Variants in CCDC68 observed in about 807,000 individuals in gnomAD.
CCDC68 encodes coiled-coil domain containing 68.
In CCDC68, 45 loss-of-function variants were observed where a neutral mutation model predicts 47.1. The ratio of observed to expected loss-of-function variants is 0.96; its 90% CI spans 0.75 to 1.23. The LOEUF (loss-of-function observed/expected upper bound fraction) is 1.23. Ranked by LOEUF, CCDC68 falls within the 50% of genes most tolerant of loss-of-function variation. CCDC68 has a pLI of 0.00. For missense variants in CCDC68, 353 were observed against 373.6 expected, an observed-to-expected ratio of 0.94 and a Z score of 0.45; for synonymous variants, 131 against 129.5, an observed-to-expected ratio of 1.01 and a Z score of -0.08.
chr18:54,935,654 T>A (rs1188779014), intron 6 of CCDC68, among the ~76,000 whole-genome samples: 2 of 152,080 alleles, frequency 1.3e-5, no homozygotes, highest in Non-Finnish European at 2.9e-5. Flanking sequence ...AGCACCCTCA[T>A]CCGCTTCCCG....
chr18:54,927,510 G>A (rs13380920), intron 8 of CCDC68, among the ~76,000 whole-genome samples: 3,266 of 152,014 alleles, frequency 0.021, 122 homozygotes, highest in African/African-American at 0.073. Flanking sequence ...TGGAAGATGC[G>A]TACAAATCAG....
intron 10 of CCDC68, 60 bp from the exon 11 acceptor site, chr18:54,907,922 A>AATGCTTCT (rs1914112157): frequency 1.1e-6 from 1 of 946,590 alleles, no homozygotes; most frequent in South Asian, 1.3e-5. Flanking sequence ...CTACACCCTC[A>AATGCTTCT]ATGCTTCTAT....
At chr18:54,933,703 C>T (rs7227738) in intron 7 of CCDC68, among the ~76,000 whole-genome samples, 150,772 of 152,344 alleles carry the variant, frequency 0.99, 74,632 homozygotes, top group East Asian at 1. Flanking sequence ...CTTAAGGAGA[C>T]TCTAACCCAG....
chr18:54,931,912 AG>A (rs900158084), intron 7 of CCDC68, among the ~76,000 whole-genome samples: 35 of 152,240 alleles, frequency 2.3e-4, no homozygotes, highest in African/African-American at 7.5e-4. Flanking sequence ...ATTTTTCTCC[AG>A]GGGGCACCTA....
chr18:54,909,403 A>T (rs1427693361), intron 10 of CCDC68, among the ~76,000 whole-genome samples: 1 of 136,900 alleles, frequency 7.3e-6, no homozygotes, highest in Non-Finnish European at 1.5e-5. Context: ...TTTTTTTGAG[A>T]CAGGGTCTCA....
intron 11 of CCDC68, among the ~76,000 whole-genome samples, chr18:54,906,134 T>C (rs1944354): frequency 0.98 from 149,525 of 152,180 alleles, 73,532 homozygotes; most frequent in East Asian, 1. Flanking sequence ...ACCCCGAAAC[T>C]ATCCTCTCCA....
intron 8 of CCDC68, among the ~76,000 whole-genome samples, chr18:54,923,456 A>T (rs76182380): frequency 6.6e-6 from 1 of 151,844 alleles, no homozygotes; most frequent in African/African-American, 2.4e-5. Flanking sequence ...AAAAAAAAAA[A>T]TTGAAATTGG....
chr18:54,934,651 T>A (rs2044313687), intron 7 of CCDC68, among the ~76,000 whole-genome samples, 169 bp downstream of exon 7: 1 of 152,216 alleles, frequency 6.6e-6, no homozygotes, highest in Admixed American at 6.5e-5. Flanking sequence ...ATGAAATGTT[T>A]ATGGGAAAAA....
At chr18:54,939,621 C>T (rs940664918) in intron 4 of CCDC68, among the ~76,000 whole-genome samples, 2 of 152,070 alleles carry the variant, frequency 1.3e-5, no homozygotes, top group African/African-American at 4.8e-5. Context: ...CTGAGGCAGA[C>T]ACATGGCAAC....
intron 2 of CCDC68, among the ~76,000 whole-genome samples, chr18:54,945,014 T>A (rs960277642): frequency 1.3e-5 from 2 of 152,222 alleles, no homozygotes; most frequent in African/African-American, 4.8e-5. Context: ...AAAGAATTGT[T>A]GTAATTTTGC....
chr18:54,944,774 C>T (rs2044498595), intron 2 of CCDC68, among the ~76,000 whole-genome samples: 1 of 151,968 alleles, frequency 6.6e-6, no homozygotes, highest in Admixed American at 6.6e-5. Context: ...ATTTTGCAAC[C>T]CTTGATGAAG....
intron 1 of CCDC68, among the ~76,000 whole-genome samples, chr18:54,949,892 G>A (rs2044585410): frequency 6.6e-6 from 1 of 152,214 alleles, no homozygotes; most frequent in East Asian, 1.9e-4. Flanking sequence ...CTGACACAGA[G>A]TGGTGCTTCA....
At chr18:54,955,748 C>T (rs886306784) in intron 1 of CCDC68, among the ~76,000 whole-genome samples, 3 of 152,126 alleles carry the variant, frequency 2.0e-5, no homozygotes, top group Admixed American at 6.5e-5. Context: ...GGCAGAGTCT[C>T]GCTCTGTTGC....
At chr18:54,926,573 T>C (rs1301894788) in intron 8 of CCDC68, among the ~76,000 whole-genome samples, 1 of 152,198 alleles carries the variant, frequency 6.6e-6, no homozygotes, top group Non-Finnish European at 1.5e-5. Context: ...CCAAATATGT[T>C]TCCCCAAAAG....
chr18:54,919,656 A>T (rs948274307), intron 8 of CCDC68, among the ~76,000 whole-genome samples: 3 of 152,212 alleles, frequency 2.0e-5, no homozygotes, highest in Non-Finnish European at 2.9e-5. Context: ...ATCAAGTTAT[A>T]TTCAGTACGA....
chr18:54,955,156 G>GA (rs1210794439), intron 1 of CCDC68, among the ~76,000 whole-genome samples: 1 of 150,430 alleles, frequency 6.6e-6, no homozygotes, highest in Admixed American at 6.6e-5. Flanking sequence ...CCCCATCTAT[G>GA]AAAAAAAAAA....
intron 11 of CCDC68, among the ~76,000 whole-genome samples, chr18:54,905,024 C>T (rs1913907034): frequency 6.6e-6 from 1 of 152,048 alleles, no homozygotes; most frequent in African/African-American, 2.4e-5. Context: ...CTTTGGGAGG[C>T]TGAGGTGGGA....
chr18:54,947,031 T>C (rs2044539899), intron 1 of CCDC68, among the ~76,000 whole-genome samples: 2 of 152,234 alleles, frequency 1.3e-5, no homozygotes, highest in Admixed American at 6.5e-5. Context: ...AGAAAACTTT[T>C]GTACCCAGAG....
chr18:54,950,426 C>T (rs2044593600), intron 1 of CCDC68, among the ~76,000 whole-genome samples: 2 of 151,606 alleles, frequency 1.3e-5, no homozygotes, highest in Non-Finnish European at 2.9e-5. Flanking sequence ...CATCCAGTGT[C>T]AGCTGGCTAA....
Sources: gnomAD v4.1 joint callset for allele counts (sites outside exome capture counted in the v4.1 genomes callset) on GRCh38, gnomAD v4.1.1 for gene constraint, MANE v1.5 for transcripts, NCBI Gene and HGNC (gene_info 2026-07-23, HGNC 2026-07-21) for gene names.